MARCHF1: variants seen among roughly 807,000 people sequenced by gnomAD.
MARCHF1 encodes the protein membrane associated ring-CH-type finger 1.
A neutral mutation model predicts 54.2 loss-of-function variants in MARCHF1; 40 were observed. The ratio of observed to expected loss-of-function variants is 0.74; its 90% confidence interval spans 0.57 to 0.96. MARCHF1 has a LOEUF of 0.96. MARCHF1 is among the 40% of genes least tolerant of loss of function. MARCHF1 has a pLI of 0.00. For missense variants in MARCHF1, 586 were observed against 656.5 expected, an observed-to-expected ratio of 0.89 and a Z score of 1.17; for synonymous variants, 236 against 236.3, an observed-to-expected ratio of 1.00 and a Z score of 0.01.
At chr4:164,342,831 A>T (rs1287873514) in intron 1 of MARCHF1, among the ~76,000 whole-genome samples, 1 of 152,164 alleles carries the variant, frequency 6.6e-6, no homozygotes, top group Non-Finnish European at 1.5e-5. Context: ...AAATGTTGCA[A>T]TGTGTGACAA....
At position 163,933,001 on chromosome 4, in the gene MARCHF1, C is replaced by T. The variant is rs570677842; in HGVS notation, c.-39+55500G>A. The T allele has an allele frequency of 9.5e-4, 919 of 963,184 alleles. 3 individuals carry two copies. In the Middle Eastern group the frequency reaches 0.011, roughly 12 times the overall value. 59.7% of individuals were successfully genotyped at this position (963,184 alleles called of 1,614,324 possible). A position where few individuals can be genotyped will look rare whatever the true frequency, so the allele number is the denominator to read the frequency against. ...GATATAAGCAAGAAAGAGATACAAT[C>T]CACACATCCAATCTGCCTGGGGCTT... On this transcript the variant is annotated intron_variant, in intron 3 of 9. Coordinates refer to ENST00000514618, the MANE Select transcript of MARCHF1 (RefSeq NM_001394959.1).
chr4:164,369,318 G>A (rs1730966684), intron 1 of MARCHF1, among the ~76,000 whole-genome samples: 1 of 152,140 alleles, frequency 6.6e-6, no homozygotes, highest in South Asian at 2.1e-4. Flanking sequence ...GCTATGGACT[G>A]GAAAATAGGC....
At chr4:164,153,186 CA>C (rs1357338356) in intron 1 of MARCHF1, among the ~76,000 whole-genome samples, 1 of 152,118 alleles carries the variant, frequency 6.6e-6, no homozygotes, top group Non-Finnish European at 1.5e-5. Context: ...TATACTAATG[CA>C]CACAAACAGA....
At chr4:163,993,981 T>C (rs1307157981) in intron 2 of MARCHF1, among the ~76,000 whole-genome samples, 2 of 152,166 alleles carry the variant, frequency 1.3e-5, no homozygotes, top group African/African-American at 4.8e-5. Flanking sequence ...AAAGTTAGCC[T>C]CAGTCTTACT....
chr4:163,986,249 CTTTTTTTTTTTTTTTTTTTT>C (rs869081083), intron 3 of MARCHF1, among the ~76,000 whole-genome samples: 3 of 28,830 alleles, frequency 1.0e-4, no homozygotes, highest in East Asian at 2.1e-3. Context: ...TTAACCTCTT[CTTTTTTTTTTTTTTTTTTTT>C]TTTTTTTTTT....
chr4:163,801,714 A>T (rs1214186200), intron 4 of MARCHF1, among the ~76,000 whole-genome samples: 2 of 152,032 alleles, frequency 1.3e-5, no homozygotes, highest in Non-Finnish European at 2.9e-5. Context: ...TACTAGTGAG[A>T]CTTCCATCAC....
intron 1 of MARCHF1, among the ~76,000 whole-genome samples, chr4:164,316,775 G>A (rs188005998): frequency 1.3e-5 from 2 of 152,172 alleles, no homozygotes; most frequent in South Asian, 2.1e-4. Context: ...TGGAACATGG[G>A]GGGTGGATTC....
At chr4:163,924,329 C>G (rs536411924) in intron 3 of MARCHF1, among the ~76,000 whole-genome samples, 1 of 152,092 alleles carries the variant, frequency 6.6e-6, no homozygotes, top group Admixed American at 6.6e-5. Context: ...AAGAGAAGAA[C>G]AGACTTTACA....
At chr4:163,985,598 T>C (rs1752847313) in intron 3 of MARCHF1, among the ~76,000 whole-genome samples, 1 of 152,216 alleles carries the variant, frequency 6.6e-6, no homozygotes. Context: ...ATTTTAACTA[T>C]GATTGACAGT....
At chr4:164,285,262 G>T (rs915443047) in intron 1 of MARCHF1, among the ~76,000 whole-genome samples, 1 of 151,912 alleles carries the variant, frequency 6.6e-6, no homozygotes, top group Non-Finnish European at 1.5e-5. Flanking sequence ...TGAAGCAGTG[G>T]TACCATGTCT....
At chr4:163,874,694 C>A (rs1750251565) in intron 3 of MARCHF1, among the ~76,000 whole-genome samples, 1 of 152,090 alleles carries the variant, frequency 6.6e-6, no homozygotes, top group Admixed American at 6.5e-5. Flanking sequence ...ATAAAATTAT[C>A]ATTGGAAATT....
At chr4:163,998,740 T>C (rs899313068) in intron 2 of MARCHF1, among the ~76,000 whole-genome samples, 1 of 151,758 alleles carries the variant, frequency 6.6e-6, no homozygotes, top group Non-Finnish European at 1.5e-5. Context: ...ATCATTTATC[T>C]TAATGTTCTC....
At chr4:163,929,938 TATTTA>T (rs1751621260) in intron 3 of MARCHF1, among the ~76,000 whole-genome samples, 2 of 24,860 alleles carry the variant, frequency 8.0e-5, no homozygotes, top group African/African-American at 1.8e-4. Context: ...ATATATTATA[TATTTA>T]TATTATATAT....
chr4:164,182,060 A>G (rs1730846855), intron 1 of MARCHF1, among the ~76,000 whole-genome samples: 1 of 152,120 alleles, frequency 6.6e-6, no homozygotes, highest in Non-Finnish European at 1.5e-5. Context: ...TCTGAAATTC[A>G]TTAACATAAA....
At chr4:163,880,682 T>C (rs1750395251) in intron 3 of MARCHF1, among the ~76,000 whole-genome samples, 1 of 152,052 alleles carries the variant, frequency 6.6e-6, no homozygotes, top group Non-Finnish European at 1.5e-5. Flanking sequence ...CTATTGTTGG[T>C]CCATTATCAA....
rs902525850 is a variant in MARCHF1, at chr4:163,974,476, C to T, written c.-39+14025G>A. ...AGGTGAACAGACCAGATGATTCCAA[C>T]TGTTGAGTTACTCTCCAACCTTTGA... On this transcript the variant is annotated intron_variant, in intron 3 of 9. Transcript: ENST00000514618. 2.0e-5 allele frequency among the ~76,000 whole-genome samples: 3 copies of T among 152,350 alleles called. No individual in the cohort carries two copies. The South Asian group carries it at 6.2e-4, about 32-fold the overall frequency.
chr4:163,571,941 T>C (rs1213347026), intron 8 of MARCHF1, among the ~76,000 whole-genome samples: 2 of 152,150 alleles, frequency 1.3e-5, no homozygotes, highest in South Asian at 2.1e-4. Context: ...AAAAAGTAAG[T>C]GTAGCGAAGG....
At chr4:163,577,445 T>C (rs558153179) in intron 8 of MARCHF1, among the ~76,000 whole-genome samples, 27 of 152,188 alleles carry the variant, frequency 1.8e-4, no homozygotes, top group Non-Finnish European at 3.5e-4. Context: ...TTCTGAGAAG[T>C]CCACTGTTAG....
chr4:164,343,567 C>T (rs1002557986), intron 1 of MARCHF1, among the ~76,000 whole-genome samples: 2 of 152,112 alleles, frequency 1.3e-5, no homozygotes, highest in South Asian at 4.1e-4. Context: ...CATGAATAGA[C>T]TTTTCACGTC....
Sources: allele counts gnomAD v4.1 joint callset (sites outside exome capture counted in the v4.1 genomes callset), GRCh38; gene constraint gnomAD v4.1.1; transcripts MANE v1.5; gene names NCBI Gene and HGNC (gene_info 2026-07-23, HGNC 2026-07-21).